DNAJC24: variants seen among roughly 807,000 people sequenced by gnomAD.
The protein encoded by DNAJC24 is DnaJ heat shock protein family (Hsp40) member C24, also known as dnaJ homolog subfamily C member 24.
Under a neutral mutation model 18.0 loss-of-function variants are expected in DNAJC24, and 17 were observed. The ratio of observed to expected loss-of-function variants is 0.94; its 90% CI spans 0.65 to 1.42. The LOEUF (loss-of-function observed/expected upper bound fraction) is 1.42, where lower values mean the gene tolerates loss of function less well. Among genes scored for constraint, DNAJC24 ranks in the 40% most tolerant of loss-of-function variants. The pLI is 0.00. For missense variants in DNAJC24, 158 were observed against 175.6 expected, an observed-to-expected ratio of 0.90 and a Z score of 0.57; for synonymous variants, 55 against 57.7, an observed-to-expected ratio of 0.95 and a Z score of 0.21.
chr11:31,416,602 C>G (rs1223710589), intron 3 of DNAJC24: 1 of 152,018 alleles, frequency 6.6e-6, no homozygotes, highest in African/African-American at 2.4e-5. Context: ...CAATGTTGCT[C>G]TACATTTTTG....
intron 3 of DNAJC24, among the ~76,000 whole-genome samples, chr11:31,422,568 T>C (rs997928726): frequency 6.6e-6 from 1 of 152,150 alleles, no homozygotes; most frequent in African/African-American, 2.4e-5. Flanking sequence ...CTTTAGGAGA[T>C]AGGATTTACT....
chr11:31,396,336 C>T (rs1430005319), intron 2 of DNAJC24: 2 of 451,880 alleles, frequency 4.4e-6, no homozygotes, highest in Non-Finnish European at 8.9e-6. Flanking sequence ...TTTTATTTGA[C>T]CCTCTTCACT....
intron 2 of DNAJC24, among the ~76,000 whole-genome samples, chr11:31,400,329 G>A (rs959300127): frequency 1.3e-5 from 2 of 152,040 alleles, no homozygotes; most frequent in Non-Finnish European, 1.5e-5. Flanking sequence ...TTGAGGAATC[G>A]CCACACTGTC....
chr11:31,428,896 A>G (rs759097031), intron 4 of DNAJC24, among the ~76,000 whole-genome samples: 2 of 152,180 alleles, frequency 1.3e-5, no homozygotes, highest in Non-Finnish European at 2.9e-5. Flanking sequence ...AAAACTCCAC[A>G]GTAGCCCATG....
At position 31,372,963 on chromosome 11, in the gene DNAJC24, G is replaced by A. The variant is rs937077665; in HGVS notation, c.111+2104G>A. ...CTACAGTGTCTGGTCATACCCCATT[G>A]TGGGGTTGTTGCTTTTTTAAAATTT... is the stretch of plus-strand genomic sequence containing the variant. On this transcript the variant is annotated intron_variant, in intron 2 of 4. Transcript: ENST00000465995. 2.2e-4 allele frequency among the ~76,000 whole-genome samples: 30 copies of A among 134,986 alleles called. 4 individuals are homozygous for A. Among genetic ancestry groups the A allele is most frequent in the African/African-American group, 5.5e-4 (22 of 40,280 alleles). The allele number at this position is 134,986 out of a possible 152,430, so 88.6% of individuals were successfully genotyped here.
At chr11:31,381,728 A>G (rs1952378558) in intron 2 of DNAJC24, among the ~76,000 whole-genome samples, 1 of 151,914 alleles carries the variant, frequency 6.6e-6, no homozygotes, top group South Asian at 2.1e-4. Flanking sequence ...GGCACATGCC[A>G]CCATGCCTGG....
At chr11:31,392,238 A>T (rs1461169071) in intron 2 of DNAJC24, among the ~76,000 whole-genome samples, 2 of 152,196 alleles carry the variant, frequency 1.3e-5, no homozygotes, top group Admixed American at 6.5e-5. Flanking sequence ...ATTTAAAAAT[A>T]ACTAAAAGAG....
rs956509560 is a variant in DNAJC24 at position 31,426,606 on chromosome 11, A to G, written c.319+251A>G. 4.5e-5 allele frequency: 15 copies of G among 333,958 alleles called. No individual in the cohort carries two copies. The East Asian group carries it at 7.4e-4, about 16-fold the overall frequency. 20.7% of individuals were successfully genotyped at this position (333,958 alleles called of 1,614,324 possible). ...TTAGATGTTAGGAACATAAAGTTTC[A>G]TAAGAGTTTTTTTGTTGTGTTTTTT... is the stretch of plus-strand genomic sequence containing the variant. On this transcript the variant is annotated intron_variant, in intron 4 of 4. Coordinates refer to ENST00000465995, the MANE Select transcript of DNAJC24 (RefSeq NM_181706.5).
intron 2 of DNAJC24, among the ~76,000 whole-genome samples, chr11:31,376,086 C>CAATG (rs1342514614): frequency 0.2 from 25,277 of 124,926 alleles, 4,697 homozygotes; most frequent in Non-Finnish European, 0.29. Context: ...TATTGTTCTC[C>CAATG]TCATGGTAGT....
rs1952930050 is a variant in DNAJC24, at chr11:31,432,021, G to T, written c.*1620G>T. 6.6e-6 allele frequency among the ~76,000 whole-genome samples: 1 copy of T among 152,060 alleles called. No homozygotes were observed. Among genetic ancestry groups the T allele is most frequent in the Non-Finnish European group, 1.5e-5 (1 of 68,000 alleles). On this transcript the variant is annotated 3_prime_UTR_variant, in exon 5 of 5. Coordinates refer to ENST00000465995, the MANE Select transcript of DNAJC24 (RefSeq NM_181706.5). Reference sequence around the variant, plus strand: ...CAGTAAAAGTCAGAACTCATTTAAAGAACTTTAAGGGATCCTTTAGAAACA... The same window carrying T: ...CAGTAAAAGTCAGAACTCATTTAAATAACTTTAAGGGATCCTTTAGAAACA...
intron 4 of DNAJC24, among the ~76,000 whole-genome samples, chr11:31,429,101 TAGAC>T (rs1952893067): frequency 6.6e-6 from 1 of 152,124 alleles, no homozygotes; most frequent in Non-Finnish European, 1.5e-5. Context: ...GATGTTGGCT[TAGAC>T]AGGGAAGATG....
At chr11:31,383,469 T>C (rs1418007769) in intron 2 of DNAJC24, among the ~76,000 whole-genome samples, 2 of 152,202 alleles carry the variant, frequency 1.3e-5, no homozygotes, top group African/African-American at 4.8e-5. Context: ...TATAATATTA[T>C]AGGTTATATT....
rs189772647 is a variant in DNAJC24 at position 31,383,260 on chromosome 11, G to A, written c.111+12401G>A. The stretch of plus-strand genomic sequence containing the variant: ...TCCACTTCCTGGAGGTTGAGGGCTG[G>A]GGCTGAAAGTCCCAACCCTCCAATC... On this transcript the variant is annotated intron_variant, in intron 2 of 4. Transcript: ENST00000465995. 1.0e-3 allele frequency among the ~76,000 whole-genome samples: 153 copies of A among 151,872 alleles called. 1 individual carries two copies. Among genetic ancestry groups the A allele is most frequent in the African/African-American group, 3.4e-3 (141 of 41,432 alleles).
At chr11:31,429,184 A>G (rs939513724) in intron 4 of DNAJC24, among the ~76,000 whole-genome samples, 2 of 152,056 alleles carry the variant, frequency 1.3e-5, no homozygotes, top group African/African-American at 2.4e-5. Context: ...GTAAAGAATA[A>G]AAAGCTGGAT....
intron 2 of DNAJC24, among the ~76,000 whole-genome samples, chr11:31,376,965 A>G (rs1952321881): frequency 1.3e-5 from 2 of 152,126 alleles, no homozygotes; most frequent in African/African-American, 2.4e-5. Flanking sequence ...CATATTATTT[A>G]TAATGTTTAT....
chr11:31,382,467 C>T (rs1952385952), intron 2 of DNAJC24, among the ~76,000 whole-genome samples: 2 of 152,226 alleles, frequency 1.3e-5, no homozygotes, highest in South Asian at 4.1e-4. Flanking sequence ...AAGAATCATG[C>T]AGGGCCATAT....
rs1007708439 is a variant in DNAJC24, at chr11:31,431,844, G to T, written c.*1443G>T. The T allele has an allele frequency of 6.6e-6, 1 of 151,850 alleles. No individual in the cohort carries two copies. The highest frequency in any genetic ancestry group is 6.6e-5 in the Admixed American group (1 of 15,222). The allele number at this position is 151,850 out of a possible 1,614,324, so 9.4% of individuals were successfully genotyped here. The stretch of plus-strand genomic sequence containing the variant: ...AAATAAAATAAAATAAATAAAAAAA[G>T]ATATAGTATTAATGCCTGTATTTAT... On this transcript the variant is annotated 3_prime_UTR_variant, in exon 5 of 5. Coordinates refer to ENST00000465995, the MANE Select transcript of DNAJC24 (RefSeq NM_181706.5).
chr11:31,409,712 A>C (rs936402537), intron 2 of DNAJC24, among the ~76,000 whole-genome samples: 1 of 152,106 alleles, frequency 6.6e-6, no homozygotes, highest in Non-Finnish European at 1.5e-5. Context: ...CTGTTAATCT[A>C]TTCTTCTATG....
intron 2 of DNAJC24, among the ~76,000 whole-genome samples, chr11:31,399,421 T>C (rs1952576326): frequency 6.6e-6 from 1 of 150,412 alleles, no homozygotes. Context: ...TCTCTTTTTT[T>C]TTTTTTTTTT....
Sources: gnomAD v4.1 joint callset for allele counts (sites outside exome capture counted in the v4.1 genomes callset) on GRCh38, gnomAD v4.1.1 for gene constraint, MANE v1.5 for transcripts, NCBI Gene and HGNC (gene_info 2026-07-23, HGNC 2026-07-21) for gene names.